Variants in METTL4 observed in about 807,000 individuals in gnomAD.
The protein encoded by METTL4 is methyltransferase 4, N6-adenosine.
A neutral mutation model predicts 54.0 loss-of-function variants in METTL4; 40 were observed. The ratio of observed to expected loss-of-function variants is 0.74; its 90% CI spans 0.58 to 0.96. The LOEUF is 0.96. Among genes scored for constraint, METTL4 ranks in the 50% least tolerant of loss-of-function variants. The pLI is 0.00. For missense variants in METTL4, 525 were observed against 549.0 expected, an observed-to-expected ratio of 0.96 and a Z score of 0.44; for synonymous variants, 169 against 183.8, an observed-to-expected ratio of 0.92 and a Z score of 0.65.
chr18:2,555,067 G>C (rs765379358), intron 3 of METTL4, 29 bp from the exon 4 acceptor site: 1 of 1,591,178 alleles, frequency 6.3e-7, no homozygotes, highest in East Asian at 2.2e-5. Context: ...TACATTAAAA[G>C]AACGTTGACA....
intron 3 of METTL4, chr18:2,561,036 A>T (rs553526346): frequency 8.5e-5 from 13 of 152,262 alleles, no homozygotes; most frequent in African/African-American, 2.2e-4. Flanking sequence ...AAAAATTTTT[A>T]AAAAAGAAAA....
rs377716322 is a variant in METTL4, at chr18:2,567,220, C to G, written c.-4G>C. The G allele has an allele frequency of 1.6e-5, 25 of 1,557,226 alleles. No homozygotes were observed. The African/African-American group carries it at 3.0e-4, about 19-fold the overall frequency. ...ACAACTGGTGTACCACAGACATTCC[C>G]TTCCTTTAAAAAAGCCTCTGGGAAT... On this transcript the variant is annotated 5_prime_UTR_variant, in exon 2 of 9. Coordinates refer to ENST00000574538, the MANE Select transcript of METTL4 (RefSeq NM_022840.5).
chr18:2,557,415 G>A (rs906068190), intron 3 of METTL4, among the ~76,000 whole-genome samples: 1 of 152,134 alleles, frequency 6.6e-6, no homozygotes, highest in Admixed American at 6.5e-5. Context: ...AGGGCAACTG[G>A]GAGACAATTC....
At chr18:2,539,742 A>T in intron 8 of METTL4, 6 of 762,692 alleles carry the variant, frequency 7.9e-6, no homozygotes, top group Non-Finnish European at 9.6e-6. Flanking sequence ...TCGGCCTCCC[A>T]AAGTGCTAGG....
At chr18:2,559,055 G>A (rs1425099091) in intron 3 of METTL4, among the ~76,000 whole-genome samples, 1 of 152,180 alleles carries the variant, frequency 6.6e-6, no homozygotes, top group Non-Finnish European at 1.5e-5. Context: ...AGGCAGTATG[G>A]TGGTTCCTCC....
In METTL4 at chr18:2,538,100, A is replaced by G. The variant is rs1339004247; in HGVS notation, c.*900T>C. ...TTAAAAAGTCAATACATAATAAATC[A>G]ATATGCATTTCAAAGAATCATTTCA... is the stretch of plus-strand genomic sequence containing the variant. On this transcript the variant is annotated 3_prime_UTR_variant, in exon 9 of 9. Coordinates refer to ENST00000574538, the MANE Select transcript of METTL4 (RefSeq NM_022840.5). 1.8e-5 allele frequency: 7 copies of G among 395,122 alleles called. No individual in the cohort carries two copies. The highest frequency in any genetic ancestry group is 2.7e-5 in the Non-Finnish European group (6 of 224,480). The allele number at this position is 395,122 out of a possible 1,614,324, so 24.5% of individuals were successfully genotyped here.
At chr18:2,550,774 C>T (rs1419955681) in intron 5 of METTL4, among the ~76,000 whole-genome samples, 1 of 152,184 alleles carries the variant, frequency 6.6e-6, no homozygotes, top group African/African-American at 2.4e-5. Context: ...GACAACTGAA[C>T]ATGTATAATC....
In METTL4 at chr18:2,537,672, T is replaced by G. The variant is rs776773449; in HGVS notation, c.*1328A>C. 2.0e-5 allele frequency: 8 copies of G among 390,948 alleles called. No individual in the cohort carries two copies. The highest frequency in any genetic ancestry group is 4.1e-5 in the African/African-American group (2 of 48,500). 24.2% of individuals were successfully genotyped at this position (390,948 alleles called of 1,614,324 possible). A position where few individuals can be genotyped will look rare whatever the true frequency, so the allele number is the denominator to read the frequency against. On this transcript the variant is annotated 3_prime_UTR_variant, in exon 9 of 9. Transcript: ENST00000574538. The stretch of plus-strand genomic sequence containing the variant: ...AAACTTCAAAAATAACATATTTTTC[T>G]TTGACAAAATCAGTAAATTGGCAAG...
Position 2,537,775 on chromosome 18 carries a change from G to A in METTL4, c.*1225C>T, listed in dbSNP as rs2071932699. The A allele has an allele frequency of 5.0e-6, 2 of 397,818 alleles. No homozygotes were observed. Among genetic ancestry groups the A allele is most frequent in the Non-Finnish European group, 8.9e-6 (2 of 225,658 alleles). The allele number at this position is 397,818 out of a possible 1,614,324, so 24.6% of individuals were successfully genotyped here. On this transcript the variant is annotated 3_prime_UTR_variant, in exon 9 of 9. Transcript: ENST00000574538. The stretch of plus-strand genomic sequence containing the variant: ...TCAACAATCTGTAAATAGTATAAAT[G>A]CTTTTCTCAAAATGCTACGTGAAAG...
intron 7 of METTL4, 128 bp from the exon 8 acceptor site, chr18:2,544,414 G>A (rs1311536664): frequency 1.4e-6 from 1 of 691,250 alleles, no homozygotes; most frequent in Non-Finnish European, 2.3e-6. Context: ...ATCAATGAAA[G>A]AAATTAACAA....
chr18:2,544,207 G>A lies in METTL4; in HGVS notation c.1261C>T (p.Pro421Ser), dbSNP rs753013009. The part of the protein sequence containing the change: ...SVPCTLHSHK[P>S]PLAEVLKDYI... ...TATAAAAACATACCAGCAAGCGGTG[G>A]CTTATGTGAGTGAAGAGTACAGGGC... Residue 421 changes from proline (P) to serine (S), a missense_variant, in exon 8 of 9, where the codon CCA becomes TCA. Coordinates refer to ENST00000574538, the MANE Select transcript of METTL4 (RefSeq NM_022840.5). 2.5e-6 allele frequency: 4 copies of A among 1,606,562 alleles called. No homozygotes were observed. In the Admixed American group the frequency reaches 5.2e-5, roughly 21 times the overall value.
intron 3 of METTL4, 88 bp downstream of exon 3, chr18:2,563,709 G>A (rs1385614253): frequency 1.3e-6 from 1 of 786,380 alleles, no homozygotes; most frequent in East Asian, 3.8e-5. Context: ...GCTTGATTTT[G>A]AAAAAAAATC....
intron 5 of METTL4, among the ~76,000 whole-genome samples, chr18:2,550,240 G>A (rs974993190): frequency 1.3e-5 from 2 of 152,048 alleles, no homozygotes; most frequent in African/African-American, 2.4e-5. Context: ...GATTTGTGTG[G>A]AGAAAGAGGA....
At chr18:2,550,893 G>A (rs9948349) in intron 5 of METTL4, among the ~76,000 whole-genome samples, 11,519 of 152,040 alleles carry the variant, frequency 0.076, 796 homozygotes, top group African/African-American at 0.18. Flanking sequence ...AGCCGGGCGC[G>A]GTGGCTCACG....
chr18:2,555,137 C>T (rs1470107031), intron 3 of METTL4, 99 bp from the exon 4 acceptor site: 5 of 1,170,562 alleles, frequency 4.3e-6, no homozygotes, highest in Admixed American at 2.2e-5. Context: ...AATCAATATC[C>T]TTAACACTTA....
intron 2 of METTL4, among the ~76,000 whole-genome samples, chr18:2,566,049 ATAAATAAATAAATAAAT>A (rs1351865221): frequency 1.4e-4 from 17 of 120,420 alleles, no homozygotes; most frequent in African/African-American, 4.8e-4. Context: ...TCTGTCTCAA[ATAAATAAATAAATAAAT>A]AAATAAATAA....
In METTL4 at chr18:2,538,550, G is replaced by A. The variant is rs2071943542; in HGVS notation, c.*450C>T. The A allele has an allele frequency of 6.5e-6, 1 of 154,694 alleles. No individual in the cohort carries two copies. 9.6% of individuals were successfully genotyped at this position (154,694 alleles called of 1,614,324 possible). ...CAGACTGATGCCAGGAAAGAACAAA[G>A]GCCTCTGTGTAGCCAGAGCCTCTGA... On this transcript the variant is annotated 3_prime_UTR_variant, in exon 9 of 9. Transcript: ENST00000574538.
At chr18:2,564,812 T>G (rs1423523462) in intron 2 of METTL4, among the ~76,000 whole-genome samples, 1 of 152,232 alleles carries the variant, frequency 6.6e-6, no homozygotes, top group Non-Finnish European at 1.5e-5. Context: ...TTACCCAACC[T>G]GAGAGATTAA....
At chr18:2,567,935 C>A (rs899515325) in intron 1 of METTL4, among the ~76,000 whole-genome samples, 8 of 152,222 alleles carry the variant, frequency 5.3e-5, no homozygotes, top group Non-Finnish European at 1.2e-4. Context: ...CCTAGCAAAA[C>A]CGCAAGGTTA....
Sources: gnomAD v4.1 joint callset for allele counts (sites outside exome capture counted in the v4.1 genomes callset) on GRCh38, gnomAD v4.1.1 for gene constraint, MANE v1.5 for transcripts, NCBI Gene and HGNC (gene_info 2026-07-23, HGNC 2026-07-21) for gene names.